Variants in FALEC observed in about 807,000 individuals in gnomAD.
The protein encoded by FALEC is focally amplified lncRNA on chromosome 1.
the FALEC span, among the ~76,000 whole-genome samples, chr1:150,529,818 C>T: frequency 2.6e-5 from 4 of 152,072 alleles, no homozygotes; most frequent in Admixed American, 2.6e-4. Context: ...AGGATGGTCT[C>T]GATCTCCTGA....
chr1:150,521,658 G>T (rs1429104145), downstream of FALEC, among the ~76,000 whole-genome samples: 1 of 152,174 alleles, frequency 6.6e-6, no homozygotes, highest in African/African-American at 2.4e-5. Context: ...TCCGTTTGGA[G>T]ATTCAGTTAT....
chr1:150,522,939 G>A (rs1331263841), downstream of FALEC, among the ~76,000 whole-genome samples: 5 of 3,518 alleles, frequency 1.4e-3, no homozygotes, highest in African/African-American at 3.9e-3. Context: ...ATATATGTGT[G>A]TGTGTGTGTG....
chr1:150,522,152 C>A (rs1670651511), downstream of FALEC, among the ~76,000 whole-genome samples: 1 of 151,054 alleles, frequency 6.6e-6, no homozygotes, highest in Non-Finnish European at 1.5e-5. Flanking sequence ...GAGGTGGAAG[C>A]AGGAGAATCG....
chr1:150,516,363 G>A (rs753744109), intron 1 of FALEC, among the ~76,000 whole-genome samples: 1 of 152,280 alleles, frequency 6.6e-6, no homozygotes, highest in Non-Finnish European at 1.5e-5. Context: ...AGTCAGAGGA[G>A]AGGAGGACTG....
chr1:150,531,557 C>T, the FALEC span, among the ~76,000 whole-genome samples: 1 of 152,138 alleles, frequency 6.6e-6, no homozygotes, highest in Non-Finnish European at 1.5e-5. Flanking sequence ...AACAATTAAC[C>T]TGGGAGGTCT....
At chr1:150,526,034 T>A in the FALEC span, among the ~76,000 whole-genome samples, 2 of 152,240 alleles carry the variant, frequency 1.3e-5, no homozygotes. Context: ...TTCATTCATG[T>A]TCAGCATGCA....
chr1:150,516,253 A>C (rs1420190655), intron 1 of FALEC, among the ~76,000 whole-genome samples: 1 of 152,088 alleles, frequency 6.6e-6, no homozygotes, highest in Non-Finnish European at 1.5e-5. Context: ...TCTCAAAAAA[A>C]AAAAGGGAGC....
the FALEC span, among the ~76,000 whole-genome samples, chr1:150,523,606 A>G: frequency 6.6e-6 from 1 of 150,970 alleles, no homozygotes; most frequent in East Asian, 2.0e-4. Flanking sequence ...GTGAGCCAAG[A>G]TCATGCCACT....
At chr1:150,529,015 G>GAAAAAAAAAAAAAAAAAAAAAAAAAA in the FALEC span, among the ~76,000 whole-genome samples, 1 of 5,958 alleles carries the variant, frequency 1.7e-4, no homozygotes, top group African/African-American at 6.7e-4. Context: ...TAAATAAATA[G>GAAAAAAAAAAAAAAAAAAAAAAAAAA]CAAAAAAAAA....
chr1:150,520,896 G>A (rs1223909880), downstream of FALEC, among the ~76,000 whole-genome samples: 3 of 136,634 alleles, frequency 2.2e-5, no homozygotes, highest in East Asian at 2.5e-4. Flanking sequence ...TGCAACCTCC[G>A]CCTCCTGGGA....
the FALEC span, among the ~76,000 whole-genome samples, chr1:150,532,195 C>A: frequency 5.9e-5 from 9 of 152,242 alleles, no homozygotes; most frequent in Non-Finnish European, 1.2e-4. Flanking sequence ...GCATGAGCCA[C>A]CGCACCCGGC....
the FALEC span, among the ~76,000 whole-genome samples, chr1:150,526,211 G>A: frequency 3.5e-3 from 526 of 152,012 alleles, 16 homozygotes; most frequent in East Asian, 0.067. Context: ...TCAGCTGGGC[G>A]CGGTAGCGGG....
intron 1 of FALEC, among the ~76,000 whole-genome samples, chr1:150,516,351 G>A (rs945912315): frequency 6.6e-6 from 1 of 152,256 alleles, no homozygotes; most frequent in African/African-American, 2.4e-5. Context: ...CAGAGAGGTG[G>A]GAGTCAGAGG....
At chr1:150,527,831 C>T in the FALEC span, among the ~76,000 whole-genome samples, 11 of 151,982 alleles carry the variant, frequency 7.2e-5, no homozygotes, top group Admixed American at 3.3e-4. Flanking sequence ...ACCTGGGCGA[C>T]GTAGCAAGGC....
chr1:150,522,866 CGTATATATACATATATATATACGTATAT>C (rs1670664052), downstream of FALEC, among the ~76,000 whole-genome samples: 4 of 91,456 alleles, frequency 4.4e-5, no homozygotes, highest in Non-Finnish European at 6.3e-5. Flanking sequence ...TATATATATA[CGTATATATACATATATATATACGTATAT>C]ATATATATAC....
At chr1:150,527,083 G>T in the FALEC span, among the ~76,000 whole-genome samples, 1 of 150,156 alleles carries the variant, frequency 6.7e-6, no homozygotes, top group Non-Finnish European at 1.5e-5. Flanking sequence ...GGGACTACAG[G>T]CACCCACCAC....
downstream of FALEC, chr1:150,518,118 G>A (rs1570891044): frequency 6.6e-6 from 1 of 152,142 alleles, no homozygotes; most frequent in African/African-American, 2.4e-5. Context: ...AATAAGTTAG[G>A]TGGTAGGTAT....
the FALEC span, among the ~76,000 whole-genome samples, chr1:150,533,578 G>A: frequency 6.6e-6 from 1 of 152,044 alleles, no homozygotes; most frequent in Non-Finnish European, 1.5e-5. Context: ...TGGGACTACA[G>A]GTGGTGTGCC....
At chr1:150,528,920 T>C in the FALEC span, among the ~76,000 whole-genome samples, 2 of 149,958 alleles carry the variant, frequency 1.3e-5, no homozygotes, top group Admixed American at 1.3e-4. Context: ...AATGATGGTC[T>C]TTGTCTCAGG....
Sources: allele counts gnomAD v4.1 joint callset (sites outside exome capture counted in the v4.1 genomes callset), GRCh38; gene constraint gnomAD v4.1.1; transcripts MANE v1.5; gene names NCBI Gene and HGNC (gene_info 2026-07-23, HGNC 2026-07-21).